Variants in DPH6 observed in about 807,000 individuals in gnomAD.
DPH6 encodes diphthine--ammonia ligase.
DPH6 carries 33 observed loss-of-function variants against 38.2 expected under a neutral mutation model. That is an observed-to-expected ratio of 0.86 (90% CI 0.65 to 1.15). The LOEUF (loss-of-function observed/expected upper bound fraction) is 1.15, where lower values mean the gene tolerates loss of function less well. DPH6 is among the 50% of genes most tolerant of loss of function. DPH6 has a pLI of 0.00. For missense variants in DPH6, 325 were observed against 320.0 expected (o/e 1.02, Z -0.12); for synonymous variants, 108 against 103.0 (o/e 1.05, Z -0.30).
intron 3 of DPH6, among the ~76,000 whole-genome samples, chr15:35,357,057 T>TCCGTGGGCGTAGGACTCTCCTAG (rs1339567079): frequency 1.3e-5 from 2 of 152,194 alleles, no homozygotes; most frequent in Non-Finnish European, 2.9e-5. Flanking sequence ...TGAGCGAGGC[T>TCCGTGGGCGTAGGACTCTCCTAG]CCGTGGGCGT....
At chr15:35,520,234 A>AAC in intron 3 of DPH6, 1 of 810,088 alleles carries the variant, frequency 1.2e-6, no homozygotes, top group Non-Finnish European at 1.5e-6. Flanking sequence ...AAAAAACAAA[A>AAC]AAAAAACAAA....
At chr15:35,483,445 C>T (rs1462930425) in intron 3 of DPH6, among the ~76,000 whole-genome samples, 2 of 145,668 alleles carry the variant, frequency 1.4e-5, no homozygotes, top group Middle Eastern at 3.4e-3. Context: ...GCCTGGGCAA[C>T]AGAGCGAGAC....
At chr15:35,210,902 C>G in the DPH6 span, among the ~76,000 whole-genome samples, 1 of 141,738 alleles carries the variant, frequency 7.1e-6, no homozygotes, top group Non-Finnish European at 1.5e-5. Flanking sequence ...ATTTCACAGA[C>G]TAATGCCATG....
At chr15:35,262,480 G>A (rs1378530908) in intron 3 of DPH6, among the ~76,000 whole-genome samples, 9 of 151,998 alleles carry the variant, frequency 5.9e-5, no homozygotes, top group Admixed American at 5.9e-4. Flanking sequence ...GCCGAGGCAG[G>A]GGGATCACCA....
intron 5 of DPH6, among the ~76,000 whole-genome samples, chr15:35,415,025 C>T (rs1182440474): frequency 6.6e-6 from 1 of 151,898 alleles, no homozygotes; most frequent in African/African-American, 2.4e-5. Context: ...TTCCTGGATC[C>T]CTACATTACA....
At chr15:35,333,883 A>G (rs1328778831) in intron 3 of DPH6, among the ~76,000 whole-genome samples, 1 of 152,214 alleles carries the variant, frequency 6.6e-6, no homozygotes, top group Non-Finnish European at 1.5e-5. Context: ...CTAAATGCCC[A>G]TTAGTGATAG....
chr15:35,326,032 T>A (rs1031109726), downstream of DPH6, among the ~76,000 whole-genome samples: 1 of 152,102 alleles, frequency 6.6e-6, no homozygotes, highest in Non-Finnish European at 1.5e-5. Context: ...GAAAAAATTT[T>A]AAAAACCCGA....
intron 3 of DPH6, among the ~76,000 whole-genome samples, chr15:35,354,460 T>C (rs1444081519): frequency 6.6e-6 from 1 of 152,224 alleles, no homozygotes; most frequent in Non-Finnish European, 1.5e-5. Context: ...GTCCCATCAA[T>C]ATGAAATTTA....
In DPH6 at chr15:35,243,753, G is replaced by A. The variant is rs1445939560; in HGVS notation, n.201-23171C>T. ...TTTGCTGACTCTCTTTTCGGACTCA[G>A]CCCGCCTGCACCCAGGTGAAATAAA... On this transcript the variant is annotated intron_variant and non_coding_transcript_variant, in intron 3 of 3. Transcript: ENST00000560386. 1.3e-5 allele frequency among the ~76,000 whole-genome samples: 2 copies of A among 151,620 alleles called. 1 individual carries two copies. The highest frequency in any genetic ancestry group is 4.9e-5 in the African/African-American group (2 of 41,214).
At chr15:35,274,486 A>C (rs1294834339) in intron 3 of DPH6, among the ~76,000 whole-genome samples, 2 of 152,208 alleles carry the variant, frequency 1.3e-5, no homozygotes, top group Non-Finnish European at 2.9e-5. Flanking sequence ...AAATTTTTGC[A>C]ATCTATCCAT....
intron 3 of DPH6, among the ~76,000 whole-genome samples, chr15:35,301,775 C>A (rs2052055782): frequency 6.6e-6 from 1 of 151,962 alleles, no homozygotes; most frequent in Non-Finnish European, 1.5e-5. Context: ...GAGTTTGAGA[C>A]CGGCCTGGCT....
chr15:35,267,184 G>A (rs1307221303), intron 3 of DPH6, among the ~76,000 whole-genome samples: 2 of 152,212 alleles, frequency 1.3e-5, no homozygotes, highest in Non-Finnish European at 2.9e-5. Context: ...AGGCTGCCAA[G>A]GGCTTGCTTC....
intron 4 of DPH6, among the ~76,000 whole-genome samples, chr15:35,452,602 C>A (rs1329602548): frequency 1.3e-5 from 2 of 152,042 alleles, no homozygotes; most frequent in Non-Finnish European, 2.9e-5. Context: ...TTTACATATA[C>A]CCTGACTTTC....
At chr15:35,214,949 G>A (rs758389683), downstream of DPH6, among the ~76,000 whole-genome samples, 3 of 152,132 alleles carry the variant, frequency 2.0e-5, no homozygotes, top group Non-Finnish European at 4.4e-5. Context: ...TTCTACTCTC[G>A]CAAGAATCTA....
intron 3 of DPH6, among the ~76,000 whole-genome samples, chr15:35,322,408 C>T (rs957850362): frequency 6.6e-6 from 1 of 152,178 alleles, no homozygotes; most frequent in African/African-American, 2.4e-5. Flanking sequence ...TTGGCCTTCG[C>T]CTAGGAATGA....
intron 3 of DPH6, among the ~76,000 whole-genome samples, chr15:35,482,588 C>G (rs185154238): frequency 6.6e-6 from 1 of 152,130 alleles, no homozygotes; most frequent in Admixed American, 6.5e-5. Context: ...TTGATTTTGA[C>G]AAAGGTTCCA....
At chr15:35,546,000 G>T in intron 1 of DPH6, 119 bp downstream of exon 1, 1 of 952,680 alleles carries the variant, frequency 1.0e-6, no homozygotes, top group Non-Finnish European at 1.4e-6. Flanking sequence ...GCTCGGAGGA[G>T]CCGCGGAACC....
At chr15:35,526,492 C>T (rs1595444055) in intron 3 of DPH6, among the ~76,000 whole-genome samples, 3 of 152,268 alleles carry the variant, frequency 2.0e-5, no homozygotes, top group South Asian at 4.1e-4. Flanking sequence ...AAAGTGACCA[C>T]GTGGCTCAGC....
intron 5 of DPH6, among the ~76,000 whole-genome samples, chr15:35,434,939 ATTTTT>A (rs147169875): frequency 1.4e-5 from 2 of 139,710 alleles, no homozygotes; most frequent in African/African-American, 2.6e-5. Flanking sequence ...ATGCCCAGCT[ATTTTT>A]TTTTTTTTTT....
Sources: gnomAD v4.1 joint callset for allele counts (sites outside exome capture counted in the v4.1 genomes callset) on GRCh38, gnomAD v4.1.1 for gene constraint, MANE v1.5 for transcripts, NCBI Gene and HGNC (gene_info 2026-07-23, HGNC 2026-07-21) for gene names.